EFHD1: variants seen among roughly 807,000 people sequenced by gnomAD.
The protein encoded by EFHD1 is EF-hand domain-containing protein D1.
In EFHD1, 10 loss-of-function variants were observed where a neutral mutation model predicts 17.2. That is an observed-to-expected ratio of 0.58 (90% CI 0.36 to 0.99). The LOEUF is 0.99. Ranked by LOEUF, EFHD1 falls within the 50% of genes least tolerant of loss-of-function variation. The pLI, the probability that EFHD1 is intolerant of heterozygous loss-of-function variation, is 0.01. For synonymous variants in EFHD1, 153 were observed against 142.0 expected (o/e 1.08, Z -0.55); for missense variants, 310 against 327.5 (o/e 0.95, Z 0.41).
chr2:232,644,766 A>G (rs1694495529), intron 1 of EFHD1, among the ~76,000 whole-genome samples: 3 of 148,826 alleles, frequency 2.0e-5, no homozygotes, highest in Non-Finnish European at 4.4e-5. Context: ...TGCTGGGATT[A>G]CAGGCGAGAG....
At chr2:232,674,288 A>G (rs561943905) in intron 3 of EFHD1, among the ~76,000 whole-genome samples, 1 of 152,220 alleles carries the variant, frequency 6.6e-6, no homozygotes, top group African/African-American at 2.4e-5. Context: ...CAAAACTTCC[A>G]TTATCAGGGA....
At position 232,648,800 on chromosome 2, in the gene EFHD1, C is replaced by T. The variant is rs115204042; in HGVS notation, c.303-14002C>T. 4.8e-3 allele frequency among the ~76,000 whole-genome samples: 732 copies of T among 152,240 alleles called. 10 individuals carry two copies. Among genetic ancestry groups the T allele is most frequent in the African/African-American group, 0.017 (711 of 41,518 alleles). On this transcript the variant is annotated intron_variant, in intron 1 of 3. Coordinates refer to ENST00000264059, the MANE Select transcript of EFHD1 (RefSeq NM_025202.4). ...CCGTGATGCTCTGGTCTGGGGACCT[C>T]ACTTTGTGGGGCCAGCGCCTGGCTG...
intron 1 of EFHD1, among the ~76,000 whole-genome samples, chr2:232,628,062 C>CATTT (rs1035599817): frequency 6.6e-6 from 1 of 152,002 alleles, no homozygotes; most frequent in Non-Finnish European, 1.5e-5. Context: ...TATTTATTTA[C>CATTT]ATTTATTTAT....
At chr2:232,666,683 C>T (rs763790412) in intron 2 of EFHD1, among the ~76,000 whole-genome samples, 10 of 152,190 alleles carry the variant, frequency 6.6e-5, no homozygotes, top group African/African-American at 9.6e-5. Context: ...TTTGCACCCC[C>T]GTTCCAAAGC....
intron 1 of EFHD1, among the ~76,000 whole-genome samples, chr2:232,626,573 T>G (rs1213812197): frequency 6.6e-6 from 1 of 152,172 alleles, no homozygotes; most frequent in East Asian, 1.9e-4. Context: ...TTTATTTATT[T>G]ATAAATTTTG....
intron 1 of EFHD1, among the ~76,000 whole-genome samples, chr2:232,660,434 T>G (rs1342674180): frequency 6.6e-6 from 1 of 151,882 alleles, no homozygotes; most frequent in African/African-American, 2.4e-5. Flanking sequence ...TCTCCTGACC[T>G]CGTGATCCAC....
At chr2:232,670,964 G>A (rs1695057187) in intron 2 of EFHD1, among the ~76,000 whole-genome samples, 1 of 152,148 alleles carries the variant, frequency 6.6e-6, no homozygotes. Flanking sequence ...TTAAAAAATA[G>A]TATATACAGG....
chr2:232,607,787 T>C (rs1693747444), intron 1 of EFHD1, among the ~76,000 whole-genome samples: 1 of 149,594 alleles, frequency 6.7e-6, no homozygotes, highest in African/African-American at 2.5e-5. Context: ...GGCTAAAATT[T>C]TTTTTTTTTT....
chr2:232,614,076 TAC>T (rs1326527284), intron 1 of EFHD1, among the ~76,000 whole-genome samples: 3 of 132,234 alleles, frequency 2.3e-5, no homozygotes, highest in African/African-American at 2.8e-5. Context: ...ACACACATTA[TAC>T]ACACATATAT....
intron 1 of EFHD1, chr2:232,661,990 G>C (rs1384434259): frequency 2.0e-5 from 3 of 152,386 alleles, no homozygotes; most frequent in African/African-American, 7.2e-5. Flanking sequence ...GGGTCTCTGG[G>C]TGGCGGGAAA....
At chr2:232,642,419 A>G (rs908529558) in intron 1 of EFHD1, among the ~76,000 whole-genome samples, 3 of 150,946 alleles carry the variant, frequency 2.0e-5, no homozygotes, top group East Asian at 3.9e-4. Flanking sequence ...AACAAAAGCT[A>G]ATTAGCCTTG....
chr2:232,611,316 G>C (rs1305405661), intron 1 of EFHD1, among the ~76,000 whole-genome samples: 1 of 137,616 alleles, frequency 7.3e-6, no homozygotes, highest in South Asian at 2.4e-4. Context: ...TCGGGGGGGG[G>C]GCATCCCGAT....
chr2:232,650,816 G>A (rs967345338), intron 1 of EFHD1, among the ~76,000 whole-genome samples: 6 of 151,738 alleles, frequency 4.0e-5, no homozygotes, highest in South Asian at 4.2e-4. Context: ...CAATCTGCTC[G>A]CCTCAGCCTC....
chr2:232,621,593 T>C (rs1190115423), intron 1 of EFHD1, among the ~76,000 whole-genome samples: 1 of 152,054 alleles, frequency 6.6e-6, no homozygotes, highest in East Asian at 1.9e-4. Flanking sequence ...GCTGGGATTA[T>C]GGGCACCCGC....
chr2:232,670,603 A>G (rs1468362961), intron 2 of EFHD1, among the ~76,000 whole-genome samples: 1 of 152,146 alleles, frequency 6.6e-6, no homozygotes, highest in Non-Finnish European at 1.5e-5. Context: ...AATAAGGTTA[A>G]TGATTAACCT....
In EFHD1 at chr2:232,680,251, G is replaced by GACA. The variant is rs746285067; in HGVS notation, c.586-1330_586-1328dup. Among the ~76,000 whole-genome samples, 51 of 151,752 alleles carry GACA rather than the reference G, an allele frequency of 3.4e-4. 1 individual carries two copies. The highest frequency in any genetic ancestry group is 6.6e-4 in the Non-Finnish European group (45 of 68,010). ...GATTGCGCCATTGTACTCCAGCCTG[G>GACA]ACAACAGAGTGAGACTCTGTCTAAA... On this transcript the variant is annotated intron_variant, in intron 3 of 3. Transcript: ENST00000264059.
At chr2:232,631,135 G>A (rs969124157), upstream of EFHD1, among the ~76,000 whole-genome samples, 2 of 152,204 alleles carry the variant, frequency 1.3e-5, no homozygotes, top group East Asian at 3.9e-4. Flanking sequence ...GCTGAGGCAG[G>A]TGAATCGCTT....
intron 2 of EFHD1, among the ~76,000 whole-genome samples, chr2:232,664,703 T>C (rs537796149): frequency 7.8e-6 from 1 of 128,010 alleles, no homozygotes; most frequent in Non-Finnish European, 1.6e-5. Context: ...AAGCTCCGCC[T>C]CCCGGGTTCA....
intron 1 of EFHD1, among the ~76,000 whole-genome samples, chr2:232,660,360 C>A (rs1446817981): frequency 7.9e-5 from 12 of 151,464 alleles, no homozygotes; most frequent in Admixed American, 5.3e-4. Flanking sequence ...ACGCCCGGCT[C>A]ATTTTTTGTA....
Sources: allele counts gnomAD v4.1 joint callset (sites outside exome capture counted in the v4.1 genomes callset), GRCh38; gene constraint gnomAD v4.1.1; transcripts MANE v1.5; gene names NCBI Gene and HGNC (gene_info 2026-07-23, HGNC 2026-07-21).